Variants in PHF2 observed in about 807,000 individuals in gnomAD.
The protein encoded by PHF2 is lysine-specific demethylase PHF2.
PHF2 carries 27 observed loss-of-function variants against 120.5 expected under a neutral mutation model. The ratio of observed to expected loss-of-function variants is 0.22; its 90% CI spans 0.17 to 0.31. The LOEUF is 0.31. PHF2 is among the 10% of genes least tolerant of loss of function. PHF2 has a pLI of 1.00. For synonymous variants in PHF2, 568 were observed against 592.5 expected (o/e 0.96, Z 0.60); for missense variants, 1,024 against 1,434.8 (o/e 0.71, Z 4.63).
chr9:93,593,328 C>T (rs1248264220), intron 1 of PHF2, among the ~76,000 whole-genome samples: 1 of 152,142 alleles, frequency 6.6e-6, no homozygotes, highest in East Asian at 1.9e-4. Context: ...CCCTCACCTC[C>T]CTTAGTCTAG....
At chr9:93,637,997 A>G (rs1258076998) in intron 3 of PHF2, among the ~76,000 whole-genome samples, 1 of 152,168 alleles carries the variant, frequency 6.6e-6, no homozygotes, top group African/African-American at 2.4e-5. Context: ...ATGAACTGGT[A>G]TCTTATTTTT....
chr9:93,584,119 C>T (rs929228470), intron 1 of PHF2, among the ~76,000 whole-genome samples: 1 of 152,178 alleles, frequency 6.6e-6, no homozygotes, highest in Non-Finnish European at 1.5e-5. Context: ...TGAGCTACTG[C>T]GCCCAGCCTA....
chr9:93,577,291 C>A (rs1462130943), intron 1 of PHF2, among the ~76,000 whole-genome samples: 1 of 151,686 alleles, frequency 6.6e-6, no homozygotes, highest in Non-Finnish European at 1.5e-5. Context: ...CAGGAACTTT[C>A]CCCGCGCGGG....
At chr9:93,633,502 C>T (rs1174624131) in intron 2 of PHF2, among the ~76,000 whole-genome samples, 1 of 152,224 alleles carries the variant, frequency 6.6e-6, no homozygotes, top group African/African-American at 2.4e-5. Context: ...CTCTGCTCAG[C>T]AGTTGTCTCA....
At chr9:93,646,033 G>C (rs542102759) in intron 4 of PHF2, among the ~76,000 whole-genome samples, 1 of 152,204 alleles carries the variant, frequency 6.6e-6, no homozygotes, top group Non-Finnish European at 1.5e-5. Context: ...GTAGGGGCTG[G>C]TCTGGGAGAC....
chr9:93,655,347 G>A (rs12551277), intron 7 of PHF2, among the ~76,000 whole-genome samples: 1 of 149,764 alleles, frequency 6.7e-6, no homozygotes, highest in Non-Finnish European at 1.5e-5. Context: ...ATAAGGCTCA[G>A]AATCTTCTGT....
chr9:93,664,692 T>C (rs1826643537), intron 14 of PHF2, among the ~76,000 whole-genome samples: 1 of 152,234 alleles, frequency 6.6e-6, no homozygotes, highest in South Asian at 2.1e-4. Context: ...CCCAGCTTCA[T>C]GGCCCTGGGC....
intron 1 of PHF2, among the ~76,000 whole-genome samples, chr9:93,584,947 C>T (rs10821164): frequency 0.37 from 56,126 of 152,096 alleles, 11,308 homozygotes; most frequent in Non-Finnish European, 0.46. Context: ...AGTCTTTCAC[C>T]GACTCAGTTA....
intron 1 of PHF2, among the ~76,000 whole-genome samples, chr9:93,579,242 C>A (rs1862890741): frequency 6.6e-6 from 1 of 152,196 alleles, no homozygotes. Context: ...CTTTCCTGAT[C>A]TTCGTACCGC....
chr9:93,638,140 T>G (rs1826121926), intron 3 of PHF2, among the ~76,000 whole-genome samples: 1 of 152,056 alleles, frequency 6.6e-6, no homozygotes, highest in Non-Finnish European at 1.5e-5. Context: ...TTTTTTTTTG[T>G]TATTGAGTTT....
At chr9:93,626,298 T>C (rs974507997) in intron 1 of PHF2, among the ~76,000 whole-genome samples, 4 of 152,210 alleles carry the variant, frequency 2.6e-5, no homozygotes, top group African/African-American at 4.8e-5. Flanking sequence ...GATATCTTAC[T>C]GTAGTTTTGA....
Position 93,625,969 on chromosome 9 carries a change from G to A in PHF2, c.99-4001G>A, listed in dbSNP as rs550923670. Among the ~76,000 whole-genome samples, 39 of 152,082 alleles carry A rather than the reference G, an allele frequency of 2.6e-4. No homozygotes were observed. In the South Asian group the frequency reaches 5.8e-3, roughly 23 times the overall value. The stretch of plus-strand genomic sequence containing the variant: ...ACTTTAAAAAAAAAATTGGCCGGGC[G>A]CGGTGGCTCATGCCTATAATCCCAG... On this transcript the variant is annotated intron_variant, in intron 1 of 21. Transcript: ENST00000359246.
intron 1 of PHF2, among the ~76,000 whole-genome samples, chr9:93,611,993 C>G (rs535492304): frequency 6.6e-6 from 1 of 152,324 alleles, no homozygotes; most frequent in South Asian, 2.1e-4. Context: ...GTGTGTCTTT[C>G]CTGAACATTC....
At chr9:93,657,742 T>C (rs1826485856) in intron 9 of PHF2, among the ~76,000 whole-genome samples, 1 of 152,128 alleles carries the variant, frequency 6.6e-6, no homozygotes, top group African/African-American at 2.4e-5. Context: ...TACACTGTGC[T>C]AAGGGGCGCC....
At chr9:93,663,415 AGTC>A in intron 13 of PHF2, 99 bp from the exon 14 acceptor site, 1 of 764,078 alleles carries the variant, frequency 1.3e-6, no homozygotes, top group Middle Eastern at 4.0e-4. Flanking sequence ...GACTTTCCTT[AGTC>A]GTGTTCCCAG....
At chr9:93,661,815 AATGGTTGG>A (rs981761990) in intron 12 of PHF2, among the ~76,000 whole-genome samples, 4 of 150,416 alleles carry the variant, frequency 2.7e-5, no homozygotes, top group African/African-American at 7.4e-5. Flanking sequence ...TAGATGAAAG[AATGGTTGG>A]ATGGTTGGGT....
At chr9:93,588,440 G>C (rs552317790) in intron 1 of PHF2, among the ~76,000 whole-genome samples, 1 of 152,242 alleles carries the variant, frequency 6.6e-6, no homozygotes, top group Non-Finnish European at 1.5e-5. Context: ...TTAAAGTTAA[G>C]CCAGCAACGA....
chr9:93,591,992 G>T (rs1825235532), intron 1 of PHF2, among the ~76,000 whole-genome samples: 1 of 152,228 alleles, frequency 6.6e-6, no homozygotes, highest in Non-Finnish European at 1.5e-5. Context: ...CAGCTGCTCA[G>T]CGCCCACTCT....
chr9:93,624,897 G>T (rs1013560405), intron 1 of PHF2, among the ~76,000 whole-genome samples: 1 of 152,122 alleles, frequency 6.6e-6, no homozygotes, highest in African/African-American at 2.4e-5. Context: ...GGCAATGTTG[G>T]TGATGGTGAT....
Sources: gnomAD v4.1 joint callset for allele counts (sites outside exome capture counted in the v4.1 genomes callset) on GRCh38, gnomAD v4.1.1 for gene constraint, MANE v1.5 for transcripts, NCBI Gene and HGNC (gene_info 2026-07-23, HGNC 2026-07-21) for gene names.